PGBD5: variants seen among roughly 807,000 people sequenced by gnomAD.
PGBD5 encodes piggyBac transposable element derived 5, also known as piggyBac transposable element-derived protein 5.
In PGBD5, 14 loss-of-function variants were observed where a neutral mutation model predicts 47.9. The observed-to-expected ratio is 0.29, with a 90% CI of 0.19 to 0.46. The LOEUF is 0.46. Among genes scored for constraint, PGBD5 ranks in the 20% least tolerant of loss-of-function variants. PGBD5 has a pLI of 1.00. For missense variants in PGBD5, 635 were observed against 716.0 expected (o/e 0.89, Z 1.29); for synonymous variants, 316 against 306.3 (o/e 1.03, Z -0.33).
intron 1 of PGBD5, among the ~76,000 whole-genome samples, chr1:230,416,738 C>T (rs1313253747): frequency 1.3e-5 from 2 of 152,176 alleles, no homozygotes; most frequent in African/African-American, 4.8e-5. Flanking sequence ...CCTAGAGACC[C>T]GGAGGCCATG....
In PGBD5 at chr1:230,351,039, T is replaced by C. The variant is rs1317617477; in HGVS notation, c.813A>G (p.Thr271=). Residue 271 remains threonine, a synonymous_variant, in exon 3 of 7, where the codon ACA becomes ACG. Coordinates refer to ENST00000391860, the MANE Select transcript of PGBD5 (RefSeq NM_001258311.2). The part of the protein sequence containing the change: ...DEDPVFIATC[T]ERELRKRKKR... ...TTTTCCTCTTTCGCAGCTCCCGCTC[T>C]GTGCACGTGGCAATGAATACAGGAT... 1 of 1,614,038 alleles carries C rather than the reference T, an allele frequency of 6.2e-7. No individual in the cohort carries two copies. The highest frequency in any genetic ancestry group is 1.7e-5 in the Admixed American group (1 of 60,006).
At chr1:230,372,312 G>A (rs1338545885) in intron 1 of PGBD5, among the ~76,000 whole-genome samples, 1 of 152,176 alleles carries the variant, frequency 6.6e-6, no homozygotes, top group Non-Finnish European at 1.5e-5. Flanking sequence ...TTCTCTTCCT[G>A]TTAAAGGGGA....
chr1:230,347,903 G>T (rs745442636), intron 3 of PGBD5, among the ~76,000 whole-genome samples: 1 of 152,186 alleles, frequency 6.6e-6, no homozygotes, highest in Non-Finnish European at 1.5e-5. Context: ...GGACCCAGGT[G>T]ATCCATCCTG....
intron 1 of PGBD5, among the ~76,000 whole-genome samples, chr1:230,385,876 C>T (rs921427303): frequency 7.2e-5 from 11 of 152,160 alleles, no homozygotes; most frequent in African/African-American, 2.7e-4. Context: ...CAGCATCACC[C>T]GGGAGCTTGC....
At chr1:230,412,294 AC>A (rs2102750507) in intron 1 of PGBD5, among the ~76,000 whole-genome samples, 1 of 152,306 alleles carries the variant, frequency 6.6e-6, no homozygotes, top group South Asian at 2.1e-4. Context: ...AAACTCAACT[AC>A]TAATAGCCTA....
chr1:230,330,629 C>T (rs1012021058), intron 5 of PGBD5, among the ~76,000 whole-genome samples: 5 of 152,174 alleles, frequency 3.3e-5, no homozygotes, highest in Non-Finnish European at 7.3e-5. Flanking sequence ...CCCACTCATT[C>T]CAGCTACACC....
At chr1:230,411,825 G>A (rs760013539) in intron 1 of PGBD5, among the ~76,000 whole-genome samples, 30 of 152,016 alleles carry the variant, frequency 2.0e-4, no homozygotes, top group African/African-American at 6.3e-4. Flanking sequence ...AATTCACTTC[G>A]TCAACAAATT....
chr1:230,332,561 T>G (rs1362421192), intron 5 of PGBD5, among the ~76,000 whole-genome samples: 1 of 152,176 alleles, frequency 6.6e-6, no homozygotes, highest in Non-Finnish European at 1.5e-5. Flanking sequence ...ATGCAGCCAT[T>G]ATCATACCCC....
At position 230,317,324 on chromosome 1, in the gene PGBD5, A is replaced by C. The variant is rs1666965173; in HGVS notation, c.*6101T>G. On this transcript the variant is annotated 3_prime_UTR_variant, in exon 7 of 7. Coordinates refer to ENST00000391860, the MANE Select transcript of PGBD5 (RefSeq NM_001258311.2). ...ACAGAGTGAGGGTCAACCTGGCTCC[A>C]CACCCTGTAGAGTCACCACGGCTCT... is the stretch of plus-strand genomic sequence containing the variant. 1 of 152,206 alleles carries C rather than the reference A, an allele frequency of 6.6e-6. No individual in the cohort carries two copies. The highest frequency in any genetic ancestry group is 1.5e-5 in the Non-Finnish European group (1 of 68,074). 9.4% of individuals were successfully genotyped at this position (152,206 alleles called of 1,614,324 possible).
chr1:230,394,370 T>C (rs1656871166), intron 1 of PGBD5, among the ~76,000 whole-genome samples: 1 of 151,798 alleles, frequency 6.6e-6, no homozygotes, highest in Non-Finnish European at 1.5e-5. Flanking sequence ...TCCTAGGATT[T>C]GCTCATTGTC....
intron 5 of PGBD5, among the ~76,000 whole-genome samples, chr1:230,325,947 C>T (rs1667109927): frequency 6.6e-6 from 1 of 152,014 alleles, no homozygotes; most frequent in African/African-American, 2.4e-5. Context: ...CCGCACAGAG[C>T]ACTAGACCTC....
chr1:230,392,580 C>T (rs555794524), intron 1 of PGBD5, among the ~76,000 whole-genome samples: 3 of 152,316 alleles, frequency 2.0e-5, no homozygotes, highest in East Asian at 1.9e-4. Context: ...GCTGCTCAGC[C>T]CCTGCCTCCT....
At chr1:230,402,369 T>C (rs996980592) in intron 1 of PGBD5, among the ~76,000 whole-genome samples, 6 of 152,232 alleles carry the variant, frequency 3.9e-5, no homozygotes, top group Non-Finnish European at 8.8e-5. Context: ...AGATAGAAAG[T>C]GAGAAGCTAT....
intron 1 of PGBD5, among the ~76,000 whole-genome samples, chr1:230,423,036 C>A (rs887637902): frequency 7.3e-5 from 11 of 151,132 alleles, no homozygotes; most frequent in South Asian, 4.2e-4. Flanking sequence ...AAAAAAAAAA[C>A]CAAAAACCTA....
chr1:230,371,868 C>A (rs568956320), intron 1 of PGBD5, among the ~76,000 whole-genome samples: 5 of 152,280 alleles, frequency 3.3e-5, no homozygotes, highest in South Asian at 4.2e-4. Flanking sequence ...GCTGCCCTAC[C>A]GCGGAAGCTC....
At chr1:230,423,842 C>T (rs1417608021) in intron 1 of PGBD5, among the ~76,000 whole-genome samples, 1 of 152,184 alleles carries the variant, frequency 6.6e-6, no homozygotes, top group Non-Finnish European at 1.5e-5. Context: ...TGGGCATCTG[C>T]AGGAAGCAGA....
At chr1:230,340,266 A>G (rs921045796) in intron 3 of PGBD5, among the ~76,000 whole-genome samples, 1 of 152,212 alleles carries the variant, frequency 6.6e-6, no homozygotes, top group Non-Finnish European at 1.5e-5. Flanking sequence ...AGGGTTTTTT[A>G]TAATGGTAAA....
At chr1:230,394,263 G>T in intron 1 of PGBD5, among the ~76,000 whole-genome samples, 1 of 151,570 alleles carries the variant, frequency 6.6e-6, no homozygotes, top group Admixed American at 6.6e-5. Flanking sequence ...CCTCCGTTTC[G>T]TTTCCCCTAA....
chr1:230,390,498 A>G (rs552188223), intron 1 of PGBD5, among the ~76,000 whole-genome samples: 1 of 152,244 alleles, frequency 6.6e-6, no homozygotes, highest in East Asian at 1.9e-4. Context: ...TAGTTGTGTT[A>G]CTGGTGGGCT....
Sources: allele counts gnomAD v4.1 joint callset (sites outside exome capture counted in the v4.1 genomes callset), GRCh38; gene constraint gnomAD v4.1.1; transcripts MANE v1.5; gene names NCBI Gene and HGNC (gene_info 2026-07-23, HGNC 2026-07-21).